The following MAGI2 variants were observed in gnomAD, a reference collection of about 807,000 sequenced individuals.
The protein encoded by MAGI2 is membrane associated guanylate kinase, WW and PDZ domain containing 2.
In MAGI2, 35 loss-of-function variants were observed where a neutral mutation model predicts 133.3. That is an observed-to-expected ratio of 0.26 (90% confidence interval 0.20 to 0.35). The LOEUF (loss-of-function observed/expected upper bound fraction) is 0.35. Among genes scored for constraint, MAGI2 ranks in the 10% least tolerant of loss-of-function variants. The pLI is 1.00. For synonymous variants in MAGI2, 729 were observed against 710.6 expected, an observed-to-expected ratio of 1.03 and a Z score of -0.41; for missense variants, 1,636 against 1,863.4, an observed-to-expected ratio of 0.88 and a Z score of 2.25.
At chr7:79,117,806 T>C (rs1819537345) in intron 1 of MAGI2, among the ~76,000 whole-genome samples, 1 of 152,186 alleles carries the variant, frequency 6.6e-6, no homozygotes, top group Admixed American at 6.6e-5. Context: ...CATTTAACAA[T>C]ACTATAATGT....
At chr7:78,713,529 G>C (rs1371479221) in intron 2 of MAGI2, among the ~76,000 whole-genome samples, 1 of 152,092 alleles carries the variant, frequency 6.6e-6, no homozygotes, top group Non-Finnish European at 1.5e-5. Context: ...GACAGACTCA[G>C]TCTTACAGAA....
At chr7:78,473,541 C>G (rs1299742961) in intron 6 of MAGI2, among the ~76,000 whole-genome samples, 1 of 152,082 alleles carries the variant, frequency 6.6e-6, no homozygotes, top group African/African-American at 2.4e-5. Flanking sequence ...GTTTCTTTCT[C>G]TCTCTCTGGT....
intron 9 of MAGI2, among the ~76,000 whole-genome samples, chr7:78,302,771 T>C (rs1224941984): frequency 6.6e-6 from 1 of 152,110 alleles, no homozygotes; most frequent in East Asian, 1.9e-4. Flanking sequence ...TAATTCCTAC[T>C]CCCCCATTCC....
At chr7:78,169,129 G>T (rs1825881157) in intron 14 of MAGI2, among the ~76,000 whole-genome samples, 1 of 152,202 alleles carries the variant, frequency 6.6e-6, no homozygotes, top group African/African-American at 2.4e-5. Context: ...CAACACATAA[G>T]TTTTCCCATG....
chr7:78,183,485 C>T (rs993832473), intron 13 of MAGI2, among the ~76,000 whole-genome samples: 4 of 151,966 alleles, frequency 2.6e-5, no homozygotes, highest in African/African-American at 7.2e-5. Context: ...AGGATGGTCT[C>T]GATCTCTTGA....
rs536124115 is a variant in MAGI2 at position 78,341,336 on chromosome 7, C to T, written c.1408+2442G>A. On this transcript the variant is annotated intron_variant, in intron 9 of 21. Coordinates refer to ENST00000354212, the MANE Select transcript of MAGI2 (RefSeq NM_012301.4). ...GGACACAAACAAATGGAAAACATTC[C>T]ATACTCATGGATAAGAGGAATCAAT... 2.0e-4 allele frequency among the ~76,000 whole-genome samples: 31 copies of T among 152,246 alleles called. No individual in the cohort carries two copies. The South Asian group carries it at 6.4e-3, about 32-fold the overall frequency.
At chr7:78,088,881 C>T (rs188802429) in intron 20 of MAGI2, among the ~76,000 whole-genome samples, 10 of 152,210 alleles carry the variant, frequency 6.6e-5, no homozygotes, top group Middle Eastern at 3.4e-3. Flanking sequence ...TGAGATGGGA[C>T]GATTATCCAG....
intron 6 of MAGI2, among the ~76,000 whole-genome samples, chr7:78,399,304 C>T (rs927200158): frequency 6.6e-6 from 1 of 152,210 alleles, no homozygotes; most frequent in African/African-American, 2.4e-5. Flanking sequence ...CAACCTAATG[C>T]TATACACACA....
At chr7:79,431,872 A>G (rs1214774785) in intron 1 of MAGI2, among the ~76,000 whole-genome samples, 1 of 152,224 alleles carries the variant, frequency 6.6e-6, no homozygotes, top group Non-Finnish European at 1.5e-5. Flanking sequence ...TTAAGGGTGT[A>G]GACTTTTAAG....
chr7:79,432,391 T>A (rs1186516525), intron 1 of MAGI2, among the ~76,000 whole-genome samples: 1 of 152,100 alleles, frequency 6.6e-6, no homozygotes, highest in Non-Finnish European at 1.5e-5. Context: ...ACAAGCAAAG[T>A]GTGAGAGAGT....
intron 2 of MAGI2, among the ~76,000 whole-genome samples, chr7:78,754,373 A>G (rs10264409): frequency 0.19 from 14,173 of 72,872 alleles, 739 homozygotes; most frequent in Non-Finnish European, 0.22. Context: ...CCTGTCTCAA[A>G]TAAATAAATA....
At chr7:79,022,422 T>C (rs1484604006) in intron 1 of MAGI2, among the ~76,000 whole-genome samples, 1 of 151,900 alleles carries the variant, frequency 6.6e-6, no homozygotes, top group Non-Finnish European at 1.5e-5. Flanking sequence ...TATAAAATAG[T>C]TAGAAAGATT....
intron 21 of MAGI2, among the ~76,000 whole-genome samples, chr7:78,026,706 T>C (rs569458999): frequency 6.6e-6 from 1 of 152,288 alleles, no homozygotes; most frequent in East Asian, 1.9e-4. Flanking sequence ...CTTTGTCAGC[T>C]GTCCCATACC....
chr7:78,236,808 T>C (rs1790589845), intron 10 of MAGI2, among the ~76,000 whole-genome samples: 1 of 152,142 alleles, frequency 6.6e-6, no homozygotes, highest in South Asian at 2.1e-4. Context: ...TGAGACTGGG[T>C]AATTTATAAA....
intron 2 of MAGI2, among the ~76,000 whole-genome samples, chr7:78,689,289 G>A (rs577602636): frequency 3.9e-4 from 59 of 152,070 alleles, no homozygotes; most frequent in African/African-American, 1.3e-3. Flanking sequence ...ATAATTCCAC[G>A]ATATATGTTG....
At chr7:78,103,740 T>C (rs547607550) in intron 20 of MAGI2, among the ~76,000 whole-genome samples, 1 of 152,384 alleles carries the variant, frequency 6.6e-6, no homozygotes, top group East Asian at 1.9e-4. Flanking sequence ...ACATGTTCAA[T>C]TGCTCAGAAT....
At chr7:78,666,249 T>C (rs1004990156) in intron 2 of MAGI2, among the ~76,000 whole-genome samples, 1 of 152,032 alleles carries the variant, frequency 6.6e-6, no homozygotes, top group Admixed American at 6.6e-5. Flanking sequence ...ACTAGCCAAA[T>C]TTTAGCAACG....
At chr7:79,041,959 A>G (rs967729764) in intron 1 of MAGI2, among the ~76,000 whole-genome samples, 14 of 152,128 alleles carry the variant, frequency 9.2e-5, no homozygotes, top group Non-Finnish European at 1.3e-4. Flanking sequence ...GATTTCTTTG[A>G]CAAGAAACAA....
chr7:78,113,423 A>G (rs921725845), intron 20 of MAGI2, among the ~76,000 whole-genome samples: 3 of 152,166 alleles, frequency 2.0e-5, no homozygotes, highest in Admixed American at 2.0e-4. Context: ...AGTAGTGAGT[A>G]CAGTCGTGCA....
Sources: gnomAD v4.1 joint callset for allele counts (sites outside exome capture counted in the v4.1 genomes callset) on GRCh38, gnomAD v4.1.1 for gene constraint, MANE v1.5 for transcripts, NCBI Gene and HGNC (gene_info 2026-07-23, HGNC 2026-07-21) for gene names.